The following TMEM131L variants were observed in gnomAD, a reference collection of about 807,000 sequenced individuals.
TMEM131L encodes transmembrane 131 like.
In TMEM131L, 54 loss-of-function variants were observed where a neutral mutation model predicts 192.2. That is an observed-to-expected ratio of 0.28 (90% CI 0.23 to 0.35). The LOEUF is 0.35. Ranked by LOEUF, TMEM131L falls within the 10% of genes least tolerant of loss-of-function variation. The pLI is 1.00. For synonymous variants in TMEM131L, 701 were observed against 704.9 expected, an observed-to-expected ratio of 0.99 and a Z score of 0.09; for missense variants, 1,888 against 1,972.9, an observed-to-expected ratio of 0.96 and a Z score of 0.82.
Position 153,555,391 on chromosome 4 carries a change from T to TCATACTTTCATTGAATTATTCAA in TMEM131L, c.309-391_309-369dup, listed in dbSNP as rs1561187909. Among the ~76,000 whole-genome samples, 2 of 152,230 alleles carry TCATACTTTCATTGAATTATTCAA rather than the reference T, an allele frequency of 1.3e-5. No homozygotes were observed. Among genetic ancestry groups the TCATACTTTCATTGAATTATTCAA allele is most frequent in the Non-Finnish European group, 2.9e-5 (2 of 68,040 alleles). On this transcript the variant is annotated intron_variant, in intron 4 of 34. Transcript: ENST00000409959. The surrounding 1 kb of genome is among the most constrained non-coding windows in gnomAD (Gnocchi z 4.1). ...AATGAATATTTCAGTGAATTTTCAT[T>TCATACTTTCATTGAATTATTCAA]CATACTTTCATTGAATTATTCAACA...
intron 3 of TMEM131L, among the ~76,000 whole-genome samples, chr4:153,511,135 A>G (rs868124346): frequency 5.9e-5 from 9 of 152,252 alleles, no homozygotes; most frequent in South Asian, 4.1e-4. Flanking sequence ...TACTGGGTAT[A>G]TACTCAAAGA....
rs758623770 is a variant in TMEM131L at position 153,592,537 on chromosome 4, C to T, written c.1875C>T (p.Leu625=). 6.2e-6 allele frequency: 10 copies of T among 1,614,076 alleles called. No homozygotes were observed. In the South Asian group the frequency reaches 8.8e-5, roughly 14 times the overall value. Residue 625 remains leucine, a synonymous_variant, in exon 18 of 35, where the codon CTC becomes CTT. Transcript: ENST00000409959. ...SWPVSLQLLP[L]SLYPKPEALV... ...CGGTCTCCTTGCAGCTCCTGCCTCT[C>T]TCCTTGTACCCTAAACCCGAAGCCC...
At chr4:153,468,815 A>G (rs1464027534) in intron 2 of TMEM131L, among the ~76,000 whole-genome samples, 1 of 152,008 alleles carries the variant, frequency 6.6e-6, no homozygotes, top group East Asian at 1.9e-4. Context: ...GGGGAGCAAA[A>G]CTGCCCTGGT....
Position 153,627,634 on chromosome 4 carries a change from A to G in TMEM131L, c.4154A>G (p.Glu1385Gly), listed in dbSNP as rs1230858922. ...MTVNSLPQYA[E>G]PSCPSLPAGP... ...GTGAATAGTCTCCCACAATACGCAG[A>G]GCCTTCCTGTCCCAGCCTTCCTGCC... is the stretch of plus-strand genomic sequence containing the variant. Residue 1385 changes from glutamate to glycine, a missense_variant, in exon 31 of 35, where the codon GAG becomes GGG. By Grantham distance (98) the Glu-to-Gly change is moderately conservative. Transcript: ENST00000409959. The G allele has an allele frequency of 6.2e-7, 1 of 1,614,040 alleles. No homozygotes were observed. Among genetic ancestry groups the G allele is most frequent in the Non-Finnish European group, 8.5e-7 (1 of 1,179,940 alleles).
intron 3 of TMEM131L, among the ~76,000 whole-genome samples, chr4:153,536,534 C>G (rs981409766): frequency 4.6e-5 from 7 of 152,018 alleles, no homozygotes; most frequent in Non-Finnish European, 8.8e-5. Context: ...TCCCCACAAC[C>G]TCTAATAAAA....
rs33919587 is a variant in TMEM131L, at chr4:153,598,243, GTT to G, written c.2124-337_2124-336del. Among the ~76,000 whole-genome samples the G allele has an allele frequency of 8.6e-3, 1,281 of 148,666 alleles. 9 individuals are homozygous for G. The highest frequency in any genetic ancestry group is 0.013 in the Non-Finnish European group (901 of 66,988). ...CTGTGTCCCCCAGTTTATTTCTTCA[GTT>G]TTTTTTTTTCTTGAATGTCTGATCA... is the stretch of plus-strand genomic sequence containing the variant. On this transcript the variant is annotated intron_variant, in intron 20 of 34. Coordinates refer to ENST00000409959, the MANE Select transcript of TMEM131L (RefSeq NM_001131007.2).
intron 26 of TMEM131L, among the ~76,000 whole-genome samples, chr4:153,617,490 T>G (rs570139121): frequency 1.8e-4 from 27 of 152,338 alleles, no homozygotes; most frequent in African/African-American, 4.8e-4. Context: ...AAAAATTGTT[T>G]GCAAAATCTT....
chr4:153,621,045 T>A (rs1376764472), intron 27 of TMEM131L, among the ~76,000 whole-genome samples, 165 bp downstream of exon 27: 1 of 152,262 alleles, frequency 6.6e-6, no homozygotes, highest in African/African-American at 2.4e-5. Context: ...AATTAACATT[T>A]TCCCATTATG....
At chr4:153,473,754 T>C (rs1273347905) in intron 2 of TMEM131L, 91 bp from the exon 3 acceptor site, 10 of 1,034,438 alleles carry the variant, frequency 9.7e-6, no homozygotes, top group Non-Finnish European at 1.4e-5. Flanking sequence ...ACCCTGCCAT[T>C]GTACTCCAGC....
chr4:153,494,243 A>C (rs1733001134), intron 3 of TMEM131L, among the ~76,000 whole-genome samples: 1 of 152,216 alleles, frequency 6.6e-6, no homozygotes, highest in South Asian at 2.1e-4. Flanking sequence ...GCTTTAGCGA[A>C]ATTCCATTCT....
Position 153,558,338 on chromosome 4 carries a change from G to A in TMEM131L, c.630G>A (p.Lys210=). ...CAAATGCTTATTTTCTGCTTCCAAA[G>A]GTCCAGAGCATTCAGCTGTCTCAAA... The part of the protein sequence containing the change: ...QLPNAYFLLP[K]VQSIQLSQMQ... Residue 210 remains lysine (K), a synonymous_variant, in exon 7 of 35, where the codon AAG becomes AAA. Coordinates refer to ENST00000409959, the MANE Select transcript of TMEM131L (RefSeq NM_001131007.2). The A allele has an allele frequency of 6.2e-7, 1 of 1,607,924 alleles. No homozygotes were observed. The highest frequency in any genetic ancestry group is 8.5e-7 in the Non-Finnish European group (1 of 1,175,358).
At chr4:153,621,657 T>G (rs1301308214) in intron 27 of TMEM131L, 26 bp from the exon 28 acceptor site, 4 of 1,611,586 alleles carry the variant, frequency 2.5e-6, no homozygotes, top group Non-Finnish European at 1.7e-6. Context: ...CAGATGTGTT[T>G]TTTTGTGTGT....
intron 30 of TMEM131L, among the ~76,000 whole-genome samples, chr4:153,626,672 G>T (rs4696472): frequency 0.31 from 46,427 of 152,164 alleles, 8,962 homozygotes; most frequent in Non-Finnish European, 0.44. Flanking sequence ...GGCTAAGGTG[G>T]GAGGATCCCT....
rs752850090 is a variant in TMEM131L, at chr4:153,622,938, G to C, written c.3900G>C (p.Lys1300Asn). ...YQKPEKKCVDKFCSDSSSDCG... is the reference protein window; with the variant it reads ...YQKPEKKCVDNFCSDSSSDCG... ...AGCCTGAGAAGAAATGTGTGGACAA[G>C]TTCTGCTCCGATTCCAGCTCTGACT... The change falls in exon 29 of 35, where the codon AAG becomes AAC. Residue 1300 changes from lysine (K) to asparagine (N), a missense_variant. By Grantham distance (94) the Lys-to-Asn change is moderately conservative. Transcript: ENST00000409959. 6.2e-7 allele frequency: 1 copy of C among 1,614,242 alleles called. No homozygotes were observed. The highest frequency in any genetic ancestry group is 8.5e-7 in the Non-Finnish European group (1 of 1,180,044).
chr4:153,586,441 C>A, intron 14 of TMEM131L, 62 bp downstream of exon 14: 3 of 1,261,988 alleles, frequency 2.4e-6, no homozygotes, highest in South Asian at 1.5e-5. Context: ...TTTTTATTAA[C>A]CTTTAGTGCT....
chr4:153,608,314 A>G (rs1236142882), intron 25 of TMEM131L, among the ~76,000 whole-genome samples: 1 of 152,206 alleles, frequency 6.6e-6, no homozygotes, highest in Non-Finnish European at 1.5e-5. Context: ...CAACTATCAA[A>G]CAGTTAAACT....
intron 26 of TMEM131L, 123 bp downstream of exon 26, chr4:153,612,523 A>C (rs1051671728): frequency 1.4e-6 from 1 of 705,136 alleles, no homozygotes; most frequent in Non-Finnish European, 2.2e-6. Flanking sequence ...GGTGAGTTTG[A>C]TGTGTGTGTG....
chr4:153,513,086 A>C (rs1734472103), intron 3 of TMEM131L, among the ~76,000 whole-genome samples: 1 of 152,072 alleles, frequency 6.6e-6, no homozygotes, highest in Non-Finnish European at 1.5e-5. Flanking sequence ...GAGGTTGGGG[A>C]GGCATAAGGC....
At chr4:153,576,676 A>T (rs909554094) in intron 7 of TMEM131L, among the ~76,000 whole-genome samples, 8 of 98,926 alleles carry the variant, frequency 8.1e-5, no homozygotes, top group Non-Finnish European at 1.4e-4. Context: ...TAGATTTCTT[A>T]AAAAAAAAAA....
Sources: allele counts gnomAD v4.1 joint callset (sites outside exome capture counted in the v4.1 genomes callset), GRCh38; gene constraint gnomAD v4.1.1; non-coding constraint Gnocchi (gnomAD v3.1); transcripts MANE v1.5; gene names NCBI Gene and HGNC (gene_info 2026-07-23, HGNC 2026-07-21).